The following COLEC12 variants were observed in gnomAD, a reference collection of about 807,000 sequenced individuals.
The protein encoded by COLEC12 is collectin-12.
A neutral mutation model predicts 71.1 loss-of-function variants in COLEC12; 33 were observed. The observed-to-expected ratio is 0.46, with a 90% CI of 0.35 to 0.62. The LOEUF (loss-of-function observed/expected upper bound fraction) is 0.62, where lower values mean the gene tolerates loss of function less well. Ranked by LOEUF, COLEC12 falls within the 20% of genes least tolerant of loss-of-function variation. The probability of loss-of-function intolerance (pLI) is 0.00; values close to 1 mark genes in which losing one functional copy is unlikely to be tolerated. For missense variants in COLEC12, 765 were observed against 916.1 expected, an observed-to-expected ratio of 0.84 and a Z score of 2.13; for synonymous variants, 350 against 353.0, an observed-to-expected ratio of 0.99 and a Z score of 0.10.
At position 347,321 on chromosome 18, in the gene COLEC12, C is replaced by T. The variant is rs1395091485; in HGVS notation, c.301G>A (p.Ala101Thr). ...KKLGDQTGKKAISTNSELSTF... is the reference protein window; with the variant it reads ...KKLGDQTGKKTISTNSELSTF... ...GAGAGTTCTGAGTTGGTGCTGATAGCTTTCTTCCCAGTTTGGTCACCTGGA... is the reference window on the plus strand; with the variant it reads ...GAGAGTTCTGAGTTGGTGCTGATAGTTTTCTTCCCAGTTTGGTCACCTGGA... Residue 101 changes from alanine to threonine, a missense_variant, in exon 5 of 10, where the codon GCT becomes ACT. Transcript: ENST00000400256. 3.1e-6 allele frequency: 5 copies of T among 1,611,032 alleles called. No homozygotes were observed. In the East Asian group the frequency reaches 6.7e-5, roughly 22 times the overall value.
chr18:363,677 C>A (rs940381405), intron 2 of COLEC12, among the ~76,000 whole-genome samples: 2 of 152,082 alleles, frequency 1.3e-5, no homozygotes, highest in Non-Finnish European at 2.9e-5. Context: ...GAGTTAACAA[C>A]CCGGTTAGTT....
chr18:386,577 T>G (rs1915349894), intron 2 of COLEC12, among the ~76,000 whole-genome samples: 1 of 152,326 alleles, frequency 6.6e-6, no homozygotes, highest in African/African-American at 2.4e-5. Flanking sequence ...ACCCTTCAGA[T>G]ACAAACCCAA....
Position 499,142 on chromosome 18 carries a change from G to A in COLEC12, c.7+1366C>T, listed in dbSNP as rs867626415. Among the ~76,000 whole-genome samples the A allele has an allele frequency of 5.9e-5, 9 of 152,314 alleles. No homozygotes were observed. In the Middle Eastern group the frequency reaches 0.02, roughly 345 times the overall value. ...AGTCTCCTCAATCAGAGCCAGCTAAGGAATGTGTGTATTTCCTAGAATGTA... is the reference window on the plus strand; with the variant it reads ...AGTCTCCTCAATCAGAGCCAGCTAAAGAATGTGTGTATTTCCTAGAATGTA... On this transcript the variant is annotated intron_variant, in intron 1 of 9. Coordinates refer to ENST00000400256, the MANE Select transcript of COLEC12 (RefSeq NM_130386.3).
Position 490,296 on chromosome 18 carries a change from G to A in COLEC12, c.8-9539C>T, listed in dbSNP as rs545288176. Among the ~76,000 whole-genome samples the A allele has an allele frequency of 5.3e-5, 8 of 152,346 alleles. No homozygotes were observed. The South Asian group carries it at 1.7e-3, about 32-fold the overall frequency. On this transcript the variant is annotated intron_variant, in intron 1 of 9. Coordinates refer to ENST00000400256, the MANE Select transcript of COLEC12 (RefSeq NM_130386.3). ...TCTCCAGGCTCCTGAGGGCAGCCAC[G>A]TGTCCAGTCCAGGCTGAATTGCAGA...
intron 2 of COLEC12, among the ~76,000 whole-genome samples, chr18:367,810 C>G (rs1203496135): frequency 1.3e-5 from 2 of 152,188 alleles, no homozygotes; most frequent in African/African-American, 4.8e-5. Flanking sequence ...TGGACAAAGG[C>G]CTGGTGTCGT....
At chr18:382,003 T>TAA (rs34996444) in intron 2 of COLEC12, among the ~76,000 whole-genome samples, 1 of 151,598 alleles carries the variant, frequency 6.6e-6, no homozygotes, top group Non-Finnish European at 1.5e-5. Context: ...CTTACAGACT[T>TAA]AAAAAAAAGA....
At position 446,761 on chromosome 18, in the gene COLEC12, A is replaced by G. The variant is rs374144946; in HGVS notation, c.58+33946T>C. ...ACAATTAGCATTTTCTCAGCCTTTC[A>G]TATTTATAACTGAGCACCCCTAAAA... On this transcript the variant is annotated intron_variant, in intron 2 of 9. Transcript: ENST00000400256. Among the ~76,000 whole-genome samples the G allele has an allele frequency of 5.7e-4, 87 of 152,236 alleles. 1 individual carries two copies. The East Asian group carries it at 0.016, about 27-fold the overall frequency.
intron 9 of COLEC12, 55 bp downstream of exon 9, chr18:321,607 C>A: frequency 6.2e-7 from 1 of 1,604,682 alleles, no homozygotes; most frequent in Non-Finnish European, 8.5e-7. Flanking sequence ...CCACCCCTCA[C>A]CCTTTCATAG....
intron 2 of COLEC12, among the ~76,000 whole-genome samples, chr18:472,358 T>G (rs1917214238): frequency 6.6e-6 from 1 of 152,050 alleles, no homozygotes; most frequent in Non-Finnish European, 1.5e-5. Context: ...ACCAACCCTT[T>G]CCACTTTTTA....
At chr18:443,945 C>T (rs1011296875) in intron 2 of COLEC12, among the ~76,000 whole-genome samples, 3 of 152,150 alleles carry the variant, frequency 2.0e-5, no homozygotes, top group African/African-American at 7.2e-5. Flanking sequence ...CACCATATGA[C>T]GTGCCTACTC....
intron 2 of COLEC12, among the ~76,000 whole-genome samples, chr18:470,594 ATT>A (rs974980432): frequency 1.1e-3 from 160 of 151,492 alleles, no homozygotes; most frequent in African/African-American, 3.8e-3. Flanking sequence ...AAAAAAAAAA[ATT>A]TTTTTTTAAT....
intron 2 of COLEC12, among the ~76,000 whole-genome samples, chr18:388,113 G>A (rs538237439): frequency 6.6e-6 from 1 of 152,246 alleles, no homozygotes; most frequent in African/African-American, 2.4e-5. Flanking sequence ...CTAATGAACT[G>A]TAAAACAGCC....
chr18:340,684 A>G (rs539933742), intron 5 of COLEC12, among the ~76,000 whole-genome samples: 1 of 152,356 alleles, frequency 6.6e-6, no homozygotes, highest in South Asian at 2.1e-4. Context: ...TGGTGGTAAG[A>G]TTGGAAGATA....
chr18:465,233 G>T lies in COLEC12; in HGVS notation c.58+15474C>A, dbSNP rs146284971. On this transcript the variant is annotated intron_variant, in intron 2 of 9. Coordinates refer to ENST00000400256, the MANE Select transcript of COLEC12 (RefSeq NM_130386.3). ...TTCTCGTGCCCCAGCCTCCCGAGTA[G>T]CTGGGATTACAGGCATGCACCACCA... is the stretch of plus-strand genomic sequence containing the variant. Among the ~76,000 whole-genome samples the T allele has an allele frequency of 8.5e-5, 13 of 152,282 alleles. No homozygotes were observed. The East Asian group carries it at 2.3e-3, about 27-fold the overall frequency.
intron 7 of COLEC12, among the ~76,000 whole-genome samples, chr18:332,312 A>T (rs117212736): frequency 6.6e-6 from 1 of 152,206 alleles, no homozygotes. Context: ...TACAGGAAAC[A>T]TCTGTTTACA....
At chr18:423,412 T>C (rs1916136294) in intron 2 of COLEC12, among the ~76,000 whole-genome samples, 2 of 152,238 alleles carry the variant, frequency 1.3e-5, no homozygotes, top group Admixed American at 6.5e-5. Context: ...TATTATTTTC[T>C]TCCAAATAAA....
At chr18:483,252 T>C (rs190100555) in intron 1 of COLEC12, among the ~76,000 whole-genome samples, 2,322 of 152,092 alleles carry the variant, frequency 0.015, 55 homozygotes, top group Non-Finnish European at 0.016. Context: ...ATATAAAAAT[T>C]AGCCGGGCGT....
chr18:436,530 G>C lies in COLEC12; in HGVS notation c.58+44177C>G, dbSNP rs1201222814. ...GACTCCATCTCAAAAAAAAAAGGGG[G>C]GGGGGGGGGAAACAGGGGTGGCTTT... On this transcript the variant is annotated intron_variant, in intron 2 of 9. Transcript: ENST00000400256. Among the ~76,000 whole-genome samples, 5 of 126,898 alleles carry C rather than the reference G, an allele frequency of 3.9e-5. 1 individual carries two copies. The highest frequency in any genetic ancestry group is 8.3e-5 in the African/African-American group (3 of 35,956). The allele number at this position is 126,898 out of a possible 152,430, so 83.3% of individuals were successfully genotyped here.
chr18:368,746 G>C (rs1227146474), intron 2 of COLEC12, among the ~76,000 whole-genome samples: 1 of 152,070 alleles, frequency 6.6e-6, no homozygotes, highest in Non-Finnish European at 1.5e-5. Flanking sequence ...GGCGCCTGTA[G>C]TCCCAGCTAC....
Sources: gnomAD v4.1 joint callset for allele counts (sites outside exome capture counted in the v4.1 genomes callset) on GRCh38, gnomAD v4.1.1 for gene constraint, MANE v1.5 for transcripts, NCBI Gene and HGNC (gene_info 2026-07-23, HGNC 2026-07-21) for gene names.